Variants in FOXP1 observed in about 807,000 individuals in gnomAD.
The protein encoded by FOXP1 is forkhead box P1.
Under a neutral mutation model 98.2 loss-of-function variants are expected in FOXP1, and 15 were observed. The ratio of observed to expected loss-of-function variants is 0.15; its 90% CI spans 0.10 to 0.24. The LOEUF is 0.24. Among genes scored for constraint, FOXP1 ranks in the 10% least tolerant of loss-of-function variants. FOXP1 has a pLI of 1.00. For missense variants in FOXP1, 633 were observed against 848.5 expected, an observed-to-expected ratio of 0.75 and a Z score of 3.15; for synonymous variants, 371 against 314.5, an observed-to-expected ratio of 1.18 and a Z score of -1.90.
At chr3:71,487,876 CCTAGA>C (rs2090777196) in intron 3 of FOXP1, among the ~76,000 whole-genome samples, 1 of 152,218 alleles carries the variant, frequency 6.6e-6, no homozygotes, top group Admixed American at 6.5e-5. Context: ...TATTCTCATT[CCTAGA>C]CTAATTTCCT....
chr3:71,153,590 C>A (rs912037485), intron 6 of FOXP1, among the ~76,000 whole-genome samples: 4 of 151,582 alleles, frequency 2.6e-5, no homozygotes, highest in African/African-American at 9.7e-5. Flanking sequence ...CCTTCTAATC[C>A]TCTTGGTTAA....
intron 5 of FOXP1, among the ~76,000 whole-genome samples, chr3:71,231,340 T>C (rs2066269999): frequency 1.3e-5 from 2 of 152,222 alleles, no homozygotes; most frequent in South Asian, 4.1e-4. Flanking sequence ...CAAAGTGAAC[T>C]GATTCTCCTT....
chr3:71,339,210 G>A (rs764695135), intron 4 of FOXP1, among the ~76,000 whole-genome samples: 13 of 152,168 alleles, frequency 8.5e-5, no homozygotes, highest in East Asian at 5.8e-4. Flanking sequence ...TGCCGCACAC[G>A]GCTAAATTTA....
chr3:71,391,131 T>A (rs2081000090), intron 3 of FOXP1, among the ~76,000 whole-genome samples: 1 of 152,222 alleles, frequency 6.6e-6, no homozygotes, highest in South Asian at 2.1e-4. Flanking sequence ...TCTCCACTTG[T>A]AATAATAACA....
chr3:71,032,371 C>T (rs898530899), intron 11 of FOXP1, among the ~76,000 whole-genome samples: 2 of 152,228 alleles, frequency 1.3e-5, no homozygotes, highest in East Asian at 1.9e-4. Context: ...CTCTGGCTAG[C>T]GTATCTGTTG....
At chr3:71,022,050 T>C (rs1359995415) in intron 11 of FOXP1, among the ~76,000 whole-genome samples, 1 of 152,192 alleles carries the variant, frequency 6.6e-6, no homozygotes, top group East Asian at 1.9e-4. Flanking sequence ...TAACAAAGAG[T>C]TACTTCTAGC....
intron 13 of FOXP1, among the ~76,000 whole-genome samples, chr3:70,989,132 A>C (rs187244516): frequency 2.6e-5 from 4 of 152,320 alleles, no homozygotes; most frequent in African/African-American, 9.6e-5. Flanking sequence ...AAATAAAAAA[A>C]CAAATATAGT....
At chr3:71,398,176 A>T (rs937167673) in intron 3 of FOXP1, among the ~76,000 whole-genome samples, 5 of 152,234 alleles carry the variant, frequency 3.3e-5, no homozygotes, top group African/African-American at 1.2e-4. Flanking sequence ...AAAACCAGAA[A>T]TTGTGCCTCT....
chr3:71,098,629 C>A (rs2056690262), intron 7 of FOXP1, among the ~76,000 whole-genome samples: 1 of 152,110 alleles, frequency 6.6e-6, no homozygotes, highest in South Asian at 2.1e-4. Context: ...GTATTTTACT[C>A]CTTCATTCAG....
At chr3:71,131,893 A>C (rs561114945) in intron 6 of FOXP1, among the ~76,000 whole-genome samples, 1 of 152,322 alleles carries the variant, frequency 6.6e-6, no homozygotes, top group Non-Finnish European at 1.5e-5. Context: ...TGGGGGAAAA[A>C]ATGGGAAAGA....
intron 2 of FOXP1, among the ~76,000 whole-genome samples, chr3:71,527,326 T>C (rs2107508048): frequency 6.6e-6 from 1 of 151,776 alleles, no homozygotes; most frequent in South Asian, 2.1e-4. Context: ...GATCAAGGAG[T>C]TCAAAATCAA....
intron 4 of FOXP1, among the ~76,000 whole-genome samples, chr3:71,348,561 GCA>G (rs755611129): frequency 3.6e-5 from 5 of 140,724 alleles, no homozygotes; most frequent in African/African-American, 5.0e-5. Context: ...GTGCGCGCGC[GCA>G]CGCATATGCA....
chr3:71,393,292 T>C (rs1405101932), intron 3 of FOXP1, among the ~76,000 whole-genome samples: 1 of 152,054 alleles, frequency 6.6e-6, no homozygotes, highest in South Asian at 2.1e-4. Flanking sequence ...ACTAAAACTT[T>C]ATTATAATCA....
intron 6 of FOXP1, among the ~76,000 whole-genome samples, chr3:71,154,195 C>T (rs936095995): frequency 1.3e-5 from 2 of 151,958 alleles, no homozygotes; most frequent in Admixed American, 1.3e-4. Context: ...ATATCCATCA[C>T]CTCACCTACT....
intron 5 of FOXP1, among the ~76,000 whole-genome samples, chr3:71,298,370 C>G (rs565200066): frequency 1.4e-3 from 220 of 152,062 alleles, no homozygotes; most frequent in Admixed American, 2.4e-3. Context: ...GAGGGTGGGG[C>G]AGGAGAATCA....
intron 3 of FOXP1, among the ~76,000 whole-genome samples, chr3:71,375,388 A>G (rs539717879): frequency 6.6e-6 from 1 of 152,364 alleles, no homozygotes; most frequent in Non-Finnish European, 1.5e-5. Flanking sequence ...AAACAGTGTG[A>G]TATGAGCAAG....
At chr3:71,413,837 A>G (rs1285428041) in intron 3 of FOXP1, among the ~76,000 whole-genome samples, 1 of 152,166 alleles carries the variant, frequency 6.6e-6, no homozygotes, top group Non-Finnish European at 1.5e-5. Context: ...AACATTTTAT[A>G]TATCTTTTCC....
At position 70,978,055 on chromosome 3, in the gene FOXP1, G is replaced by A. The variant is rs2037966105; in HGVS notation, c.1147-26C>T. On this transcript the variant is annotated intron_variant, in intron 14 of 20. Coordinates refer to ENST00000649528, the MANE Select transcript of FOXP1 (RefSeq NM_001349338.3). ...CTGCAAGGAAAAAAACAACGTCTTA[G>A]AAGACCTTCAGAAAACCAGAGCAAC... The A allele has an allele frequency of 3.7e-6, 6 of 1,606,772 alleles. No individual in the cohort carries two copies. In the South Asian group the frequency reaches 5.5e-5, roughly 15 times the overall value.
At chr3:71,057,553 T>G (rs1275077808) in intron 7 of FOXP1, among the ~76,000 whole-genome samples, 1 of 151,626 alleles carries the variant, frequency 6.6e-6, no homozygotes, top group Non-Finnish European at 1.5e-5. Context: ...GAGTTAACAA[T>G]GAATCATAGA....
Sources: gnomAD v4.1 joint callset for allele counts (sites outside exome capture counted in the v4.1 genomes callset) on GRCh38, gnomAD v4.1.1 for gene constraint, MANE v1.5 for transcripts, NCBI Gene and HGNC (gene_info 2026-07-23, HGNC 2026-07-21) for gene names.